The following KHDRBS2 variants were observed in gnomAD, a reference collection of about 807,000 sequenced individuals.
KHDRBS2 encodes the protein KH RNA binding domain containing, signal transduction associated 2.
A neutral mutation model predicts 44.3 loss-of-function variants in KHDRBS2; 26 were observed. That is an observed-to-expected ratio of 0.59 (90% CI 0.43 to 0.81). The LOEUF is 0.81. KHDRBS2 is among the 40% of genes least tolerant of loss of function. KHDRBS2 has a pLI of 0.00. For synonymous variants in KHDRBS2, 194 were observed against 151.1 expected (o/e 1.28, Z -2.08); for missense variants, 476 against 433.1 (o/e 1.10, Z -0.88).
intron 2 of KHDRBS2, among the ~76,000 whole-genome samples, chr6:62,096,677 T>C (rs567810746): frequency 3.9e-5 from 6 of 152,052 alleles, no homozygotes; most frequent in Middle Eastern, 3.4e-3. Context: ...TTTCATTTAA[T>C]TGATTTTTTT....
At chr6:61,805,798 C>T (rs1197675925) in intron 6 of KHDRBS2, among the ~76,000 whole-genome samples, 4 of 152,194 alleles carry the variant, frequency 2.6e-5, no homozygotes, top group Non-Finnish European at 2.9e-5. Flanking sequence ...ATCTAATCAC[C>T]TCCTATGAGG....
chr6:62,096,585 G>A (rs2127368828), intron 2 of KHDRBS2, among the ~76,000 whole-genome samples: 1 of 151,714 alleles, frequency 6.6e-6, no homozygotes, highest in East Asian at 1.9e-4. Flanking sequence ...TTTTATCTCT[G>A]ATTTTATTTA....
At chr6:61,557,771 G>T in the KHDRBS2 span, among the ~76,000 whole-genome samples, 1 of 152,048 alleles carries the variant, frequency 6.6e-6, no homozygotes, top group African/African-American at 2.4e-5. Context: ...TTGGGTCCTG[G>T]GCTTTCCTTT....
At chr6:62,244,939 C>A (rs942009446) in intron 1 of KHDRBS2, among the ~76,000 whole-genome samples, 9 of 152,106 alleles carry the variant, frequency 5.9e-5, no homozygotes, top group African/African-American at 2.2e-4. Flanking sequence ...CTGGGCCACG[C>A]AGCAGCAAGT....
intron 2 of KHDRBS2, among the ~76,000 whole-genome samples, chr6:62,157,324 A>T (rs1017807317): frequency 1.4e-5 from 2 of 147,420 alleles, no homozygotes; most frequent in African/African-American, 2.5e-5. Context: ...AGACTCCTTT[A>T]AAAAAAAAAG....
intron 4 of KHDRBS2, among the ~76,000 whole-genome samples, chr6:61,906,066 T>G (rs1804955683): frequency 6.6e-6 from 1 of 151,996 alleles, no homozygotes; most frequent in Admixed American, 6.6e-5. Flanking sequence ...CAGGCTGGTC[T>G]TGAACTCCTG....
At chr6:61,625,691 T>C in the KHDRBS2 span, among the ~76,000 whole-genome samples, 1 of 152,166 alleles carries the variant, frequency 6.6e-6, no homozygotes, top group Non-Finnish European at 1.5e-5. Context: ...CAGACTTGCA[T>C]CAGAAACTGG....
chr6:61,927,220 T>C (rs1036676191), intron 4 of KHDRBS2, among the ~76,000 whole-genome samples: 3 of 152,060 alleles, frequency 2.0e-5, no homozygotes, highest in Admixed American at 6.6e-5. Context: ...GGAGAATAAA[T>C]GATAATAAAT....
At chr6:61,687,653 T>C (rs1319869505) in intron 8 of KHDRBS2, among the ~76,000 whole-genome samples, 1 of 151,866 alleles carries the variant, frequency 6.6e-6, no homozygotes, top group Non-Finnish European at 1.5e-5. Flanking sequence ...TTTTATATTA[T>C]TGTGCTTAAT....
At chr6:62,089,888 A>G (rs1799173038) in intron 2 of KHDRBS2, among the ~76,000 whole-genome samples, 2 of 152,196 alleles carry the variant, frequency 1.3e-5, no homozygotes, top group Non-Finnish European at 2.9e-5. Context: ...CTCTAGGTCT[A>G]AGAAAAACTT....
intron 6 of KHDRBS2, among the ~76,000 whole-genome samples, chr6:61,888,291 C>T (rs1485332700): frequency 6.6e-6 from 1 of 152,120 alleles, no homozygotes; most frequent in Non-Finnish European, 1.5e-5. Flanking sequence ...TTAGAGGTGA[C>T]CGATTAGTGC....
intron 4 of KHDRBS2, among the ~76,000 whole-genome samples, chr6:61,964,732 G>A (rs1215012849): frequency 1.3e-5 from 2 of 152,052 alleles, no homozygotes; most frequent in Non-Finnish European, 2.9e-5. Context: ...TAGATTTCAA[G>A]TGATTCTGAC....
chr6:62,034,656 A>C (rs189721426), intron 3 of KHDRBS2, among the ~76,000 whole-genome samples: 1 of 146,264 alleles, frequency 6.8e-6, no homozygotes, highest in Non-Finnish European at 1.5e-5. Flanking sequence ...ACATAATATA[A>C]GCCATGACAG....
chr6:62,047,163 G>A (rs1437620841), intron 3 of KHDRBS2, among the ~76,000 whole-genome samples: 6 of 151,950 alleles, frequency 3.9e-5, no homozygotes, highest in South Asian at 2.1e-4. Context: ...ATGATACTAC[G>A]AAATACATCC....
At chr6:62,031,482 AT>A in intron 3 of KHDRBS2, among the ~76,000 whole-genome samples, 1 of 152,144 alleles carries the variant, frequency 6.6e-6, no homozygotes, top group Middle Eastern at 3.4e-3. Flanking sequence ...TTAACATGGC[AT>A]TTCTCAACCT....
intron 2 of KHDRBS2, among the ~76,000 whole-genome samples, chr6:62,111,589 T>G (rs561641842): frequency 6.6e-6 from 1 of 152,104 alleles, no homozygotes; most frequent in South Asian, 2.1e-4. Flanking sequence ...CAAAGTTAAC[T>G]AGACAGTTTA....
intron 2 of KHDRBS2, among the ~76,000 whole-genome samples, chr6:62,142,112 T>C (rs1812952223): frequency 6.6e-6 from 1 of 151,742 alleles, no homozygotes; most frequent in African/African-American, 2.4e-5. Flanking sequence ...TTGTGGGAAA[T>C]AGAGAGAGAA....
chr6:62,037,440 ATAAT>A (rs1018218666), intron 3 of KHDRBS2, among the ~76,000 whole-genome samples: 1 of 151,894 alleles, frequency 6.6e-6, no homozygotes, highest in African/African-American at 2.4e-5. Context: ...AAATATTCTG[ATAAT>A]TATTTAGCTT....
At chr6:61,606,227 C>T in the KHDRBS2 span, among the ~76,000 whole-genome samples, 2 of 152,196 alleles carry the variant, frequency 1.3e-5, no homozygotes, top group Admixed American at 6.5e-5. Context: ...AGCTTTATTG[C>T]TCACACAAAG....
Sources: gnomAD v4.1 joint callset for allele counts (sites outside exome capture counted in the v4.1 genomes callset) on GRCh38, gnomAD v4.1.1 for gene constraint, MANE v1.5 for transcripts, NCBI Gene and HGNC (gene_info 2026-07-23, HGNC 2026-07-21) for gene names.